The following ATRNL1 variants were observed in gnomAD, a reference collection of about 807,000 sequenced individuals.
ATRNL1 encodes the protein attractin-like protein 1.
Under a neutral mutation model 182.7 loss-of-function variants are expected in ATRNL1, and 95 were observed. That is an observed-to-expected ratio of 0.52 (90% CI 0.44 to 0.62). The LOEUF (loss-of-function observed/expected upper bound fraction) is 0.62, where lower values mean the gene tolerates loss of function less well. Ranked by LOEUF, ATRNL1 falls within the 20% of genes least tolerant of loss-of-function variation. The pLI is 0.00. For synonymous variants in ATRNL1, 576 were observed against 568.3 expected (o/e 1.01, Z -0.19); for missense variants, 1,471 against 1,679.5 (o/e 0.88, Z 2.17).
At chr10:115,935,571 G>A (rs983081566) in intron 28 of ATRNL1, among the ~76,000 whole-genome samples, 26 of 152,174 alleles carry the variant, frequency 1.7e-4, no homozygotes, top group South Asian at 6.2e-4. Context: ...ATCTGGAGTC[G>A]TGGGTTCAGG....
At chr10:115,169,301 G>T (rs1433813547) in intron 7 of ATRNL1, among the ~76,000 whole-genome samples, 4 of 151,232 alleles carry the variant, frequency 2.6e-5, no homozygotes, top group African/African-American at 9.7e-5. Context: ...CCACTTCCTG[G>T]GTTCAAGCGA....
intron 21 of ATRNL1, among the ~76,000 whole-genome samples, chr10:115,450,665 G>T (rs1847234350): frequency 6.6e-6 from 1 of 152,190 alleles, no homozygotes; most frequent in Non-Finnish European, 1.5e-5. Flanking sequence ...CTCATGGATA[G>T]GAACTGTCAG....
chr10:115,910,391 G>A (rs139882575), intron 28 of ATRNL1, among the ~76,000 whole-genome samples: 22 of 152,138 alleles, frequency 1.4e-4, no homozygotes, highest in African/African-American at 2.4e-4. Context: ...TCTCCCCATC[G>A]GGGAGAAGCC....
At chr10:115,649,894 A>T (rs1593008020) in intron 26 of ATRNL1, among the ~76,000 whole-genome samples, 1 of 152,246 alleles carries the variant, frequency 6.6e-6, no homozygotes, top group East Asian at 1.9e-4. Context: ...CTGAATAGAT[A>T]GTCCAATAAA....
chr10:115,553,412 A>G (rs973829146), intron 26 of ATRNL1, among the ~76,000 whole-genome samples: 3 of 151,362 alleles, frequency 2.0e-5, no homozygotes, highest in Non-Finnish European at 4.5e-5. Context: ...TTGTAAATTT[A>G]CAGTTTTTTT....
intron 28 of ATRNL1, among the ~76,000 whole-genome samples, chr10:115,853,918 C>T (rs1399320350): frequency 6.6e-6 from 1 of 152,126 alleles, no homozygotes; most frequent in Non-Finnish European, 1.5e-5. Context: ...ACTTTAAAAT[C>T]AACAGAAGAA....
intron 26 of ATRNL1, among the ~76,000 whole-genome samples, chr10:115,686,234 T>G (rs1436492481): frequency 6.6e-6 from 1 of 151,982 alleles, no homozygotes; most frequent in Non-Finnish European, 1.5e-5. Context: ...AAAAAGTACA[T>G]CCATGTTTGA....
chr10:115,486,960 A>G (rs1849056839), intron 24 of ATRNL1, among the ~76,000 whole-genome samples: 2 of 152,294 alleles, frequency 1.3e-5, no homozygotes, highest in South Asian at 2.1e-4. Context: ...GTATATGGCT[A>G]GCCAGTTTTC....
At chr10:115,394,600 G>C (rs1384656558) in intron 19 of ATRNL1, 59 bp from the exon 20 acceptor site, 1 of 1,283,594 alleles carries the variant, frequency 7.8e-7, no homozygotes, top group Non-Finnish European at 1.1e-6. Flanking sequence ...TACTTGAAAT[G>C]TGAAATGTGC....
chr10:115,147,549 A>G (rs550152096), intron 5 of ATRNL1, among the ~76,000 whole-genome samples: 113 of 152,230 alleles, frequency 7.4e-4, no homozygotes, highest in African/African-American at 2.6e-3. Context: ...GCCTAGGTCA[A>G]TGTCTCAAAG....
At chr10:115,613,530 C>A (rs935041432) in intron 26 of ATRNL1, among the ~76,000 whole-genome samples, 1 of 152,076 alleles carries the variant, frequency 6.6e-6, no homozygotes, top group Non-Finnish European at 1.5e-5. Flanking sequence ...CAGGCTAATG[C>A]TAGCCTCATA....
intron 19 of ATRNL1, among the ~76,000 whole-genome samples, chr10:115,349,128 C>T (rs1487754779): frequency 6.6e-6 from 1 of 152,186 alleles, no homozygotes; most frequent in East Asian, 1.9e-4. Context: ...CTAGTGTTCA[C>T]AGCCTCTAGT....
chr10:115,093,620 G>T lies in ATRNL1; in HGVS notation c.-131G>T. On this transcript the variant is annotated 5_prime_UTR_variant, in exon 1 of 29. Coordinates refer to ENST00000355044, the MANE Select transcript of ATRNL1 (RefSeq NM_207303.4). The surrounding 1 kb of genome is among the most constrained non-coding windows in gnomAD (Gnocchi z 6.1). ...TCTGTCCCTCCTGACCGGGGAGCGG[G>T]ACTCGGACGGGCGCCGGTGAGGAGG... 1 of 1,057,370 alleles carries T rather than the reference G, an allele frequency of 9.5e-7. No individual in the cohort carries two copies. The highest frequency in any genetic ancestry group is 1.4e-6 in the Non-Finnish European group (1 of 723,698). 65.5% of individuals were successfully genotyped at this position (1,057,370 alleles called of 1,614,324 possible).
intron 20 of ATRNL1, among the ~76,000 whole-genome samples, chr10:115,422,566 C>A (rs782318109): frequency 1.3e-5 from 2 of 152,064 alleles, no homozygotes; most frequent in African/African-American, 2.4e-5. Flanking sequence ...GAAAAGGGGA[C>A]CTTATACATT....
chr10:115,345,730 C>G (rs1229472831), intron 19 of ATRNL1, among the ~76,000 whole-genome samples: 1 of 152,102 alleles, frequency 6.6e-6, no homozygotes, highest in Non-Finnish European at 1.5e-5. Flanking sequence ...TTTATCATCC[C>G]AAAAGGAAAC....
intron 8 of ATRNL1, among the ~76,000 whole-genome samples, chr10:115,187,257 A>G (rs1847978494): frequency 6.6e-6 from 1 of 152,068 alleles, no homozygotes; most frequent in African/African-American, 2.4e-5. Flanking sequence ...ACCTTACAGT[A>G]TTGTGACTAG....
At chr10:115,842,736 T>C (rs1950839064) in intron 27 of ATRNL1, among the ~76,000 whole-genome samples, 1 of 152,102 alleles carries the variant, frequency 6.6e-6, no homozygotes, top group Non-Finnish European at 1.5e-5. Context: ...TATGTTTTAG[T>C]AATATTGTAT....
At chr10:115,439,838 C>T (rs1404876294) in intron 21 of ATRNL1, among the ~76,000 whole-genome samples, 3 of 151,804 alleles carry the variant, frequency 2.0e-5, no homozygotes, top group African/African-American at 7.2e-5. Context: ...TGAGGACAGG[C>T]TTTGGAAGCT....
At position 115,165,561 on chromosome 10, in the gene ATRNL1, C is replaced by A. The variant is rs781984591; in HGVS notation, c.1008C>A (p.Tyr336Ter). 1 of 1,465,892 alleles carries A rather than the reference C, an allele frequency of 6.8e-7. No individual in the cohort carries two copies. Among genetic ancestry groups the A allele is most frequent in the African/African-American group, 1.4e-5 (1 of 71,014 alleles). 90.8% of individuals were successfully genotyped at this position (1,465,892 alleles called of 1,614,324 possible). ...TATTTTCTTTTCTTGCTTTTAGTTA[C>A]AATTTAGAAAGCAGTATATGGAATG... ...NYSSFQMVLN[Y>*]NLESSIWNVG... Residue 336 changes from tyrosine to a stop codon, truncating the protein, a stop_gained, in exon 7 of 29, where the codon TAC (tyrosine) becomes TAA (stop). Transcript: ENST00000355044. LOFTEE classifies it high-confidence loss of function.
Sources: gnomAD v4.1 joint callset for allele counts (sites outside exome capture counted in the v4.1 genomes callset) on GRCh38, gnomAD v4.1.1 for gene constraint, Gnocchi (gnomAD v3.1) non-coding constraint, MANE v1.5 for transcripts, NCBI Gene and HGNC (gene_info 2026-07-23, HGNC 2026-07-21) for gene names.